Variants in MTMR4 observed in about 807,000 individuals in gnomAD.
MTMR4 encodes phosphatidylinositol-3,5-bisphosphate 3-phosphatase MTMR4.
A neutral mutation model predicts 125.5 loss-of-function variants in MTMR4; 30 were observed. The ratio of observed to expected loss-of-function variants is 0.24; its 90% confidence interval spans 0.18 to 0.32. The LOEUF (loss-of-function observed/expected upper bound fraction) is 0.32. Among genes scored for constraint, MTMR4 ranks in the 10% least tolerant of loss-of-function variants. The probability of loss-of-function intolerance (pLI) is 1.00; values close to 1 mark genes in which losing one functional copy is unlikely to be tolerated. For synonymous variants in MTMR4, 498 were observed against 564.5 expected, an observed-to-expected ratio of 0.88 and a Z score of 1.67; for missense variants, 1,039 against 1,511.5, an observed-to-expected ratio of 0.69 and a Z score of 5.18.
chr17:58,494,874 A>C (rs1975411390), intron 15 of MTMR4, 58 bp downstream of exon 15: 1 of 1,507,790 alleles, frequency 6.6e-7, no homozygotes. Flanking sequence ...TGCTGAATGG[A>C]GGGAAGGCTG....
At chr17:58,514,754 C>T (rs1337853622), upstream of MTMR4, 15 of 802,112 alleles carry the variant, frequency 1.9e-5, no homozygotes, top group Non-Finnish European at 2.0e-5. Flanking sequence ...CCCTGGGCCT[C>T]GTAGGAGGGC....
At chr17:58,503,212 A>T (rs1315587861) in intron 14 of MTMR4, among the ~76,000 whole-genome samples, 1 of 152,230 alleles carries the variant, frequency 6.6e-6, no homozygotes, top group Non-Finnish European at 1.5e-5. Flanking sequence ...TATATCATAC[A>T]GAGTGATAGC....
chr17:58,508,865 C>G lies in MTMR4; in HGVS notation c.336-24G>C, dbSNP rs763669159. ...ACCTGCCAGGCAAGAAGCCACAGGC[C>G]TAGGTGAGGCAAAGTGCAGTTGTGC... is the stretch of plus-strand genomic sequence containing the variant. On this transcript the variant is annotated intron_variant, in intron 4 of 17. Coordinates refer to ENST00000682306, the MANE Select transcript of MTMR4 (RefSeq NM_001378067.1). The surrounding 1 kb of genome is among the most constrained non-coding windows in gnomAD (Gnocchi z 4.8). 5 of 1,604,518 alleles carry G rather than the reference C, an allele frequency of 3.1e-6. No homozygotes were observed. The highest frequency in any genetic ancestry group is 2.2e-5 in the East Asian group (1 of 44,508).
Position 58,504,220 on chromosome 17 carries a change from C to T in MTMR4, c.1528G>A (p.Val510Ile). Residue 510 changes from valine (V) to isoleucine (I), a missense_variant and splice_region_variant, in exon 13 of 18, where the codon GTA becomes ATA. Physicochemically the swap from Val to Ile is conservative, Grantham distance 29. Around this residue, in one of 6 missense-constraint regions of MTMR4, gnomAD observed 107 missense variants for 267.4 expected, o/e 0.40. Transcript: ENST00000682306. The surrounding 1 kb of genome is among the most constrained non-coding windows in gnomAD (Gnocchi z 7.1). ...GAGTATGTGTGTTGCACCAGTTTTA[C>T]CTAGAAAGCAGAGAGAGCTTGCACC... is the stretch of plus-strand genomic sequence containing the variant. ...CLFEFNEAFLVKLVQHTYSCL... is the reference protein window; with the variant it reads ...CLFEFNEAFLIKLVQHTYSCL... The T allele has an allele frequency of 6.2e-7, 1 of 1,604,412 alleles. No individual in the cohort carries two copies. Among genetic ancestry groups the T allele is most frequent in the Non-Finnish European group, 8.5e-7 (1 of 1,173,826 alleles).
At position 58,505,049 on chromosome 17, in the gene MTMR4, G is replaced by C; in HGVS notation, c.1146-75C>G. Reference sequence around the variant, plus strand: ...GCAGTCTCTCCACCATCCACAGCCAGCCCCACCCAACAAAGTCCCCATTGA... The same window carrying C: ...GCAGTCTCTCCACCATCCACAGCCACCCCCACCCAACAAAGTCCCCATTGA... On this transcript the variant is annotated intron_variant, in intron 10 of 17. Transcript: ENST00000682306. The C allele has an allele frequency of 4.3e-6, 6 of 1,407,630 alleles. No homozygotes were observed. In the Admixed American group the frequency reaches 1.4e-4, roughly 34 times the overall value. 87.2% of individuals were successfully genotyped at this position (1,407,630 alleles called of 1,614,324 possible).
Position 58,514,591 on chromosome 17 carries a change from T to A in MTMR4, c.-184A>T. 1 of 984,950 alleles carries A rather than the reference T, an allele frequency of 1.0e-6. No homozygotes were observed. Among genetic ancestry groups the A allele is most frequent in the Non-Finnish European group, 1.2e-6 (1 of 829,792 alleles). The allele number at this position is 984,950 out of a possible 1,614,324, so 61.0% of individuals were successfully genotyped here. On this transcript the variant is annotated 5_prime_UTR_variant, in exon 1 of 18. Coordinates refer to ENST00000682306, the MANE Select transcript of MTMR4 (RefSeq NM_001378067.1). The stretch of plus-strand genomic sequence containing the variant: ...CGCGCCTCTCCCCTCCTCTCCACAA[T>A]GGAGCGGGCCCAGCTCCGCCCTCCC...
At chr17:58,499,969 T>G (rs1975577164) in intron 14 of MTMR4, among the ~76,000 whole-genome samples, 1 of 152,048 alleles carries the variant, frequency 6.6e-6, no homozygotes, top group South Asian at 2.1e-4. Flanking sequence ...TTAGTAAATT[T>G]ATTTAAATTT....
At chr17:58,510,149 A>G (rs1321917525) in intron 4 of MTMR4, among the ~76,000 whole-genome samples, 1 of 152,194 alleles carries the variant, frequency 6.6e-6, no homozygotes. Context: ...TCTATGAAAC[A>G]TTAATCAGAT....
intron 9 of MTMR4, 59 bp from the exon 10 acceptor site, chr17:58,505,642 T>C (rs1275105467): frequency 6.5e-6 from 8 of 1,229,608 alleles, no homozygotes; most frequent in Non-Finnish European, 9.4e-6. Flanking sequence ...GCGCGGTGGC[T>C]CACACCTGTA....
At chr17:58,494,320 C>CA (rs59888430) in intron 15 of MTMR4, among the ~76,000 whole-genome samples, 43,708 of 88,638 alleles carry the variant, frequency 0.49, 9,808 homozygotes, top group East Asian at 0.77. Context: ...GACTCCGTCT[C>CA]AAAAAAAAAA....
chr17:58,514,624 T>C lies in MTMR4; in HGVS notation c.-217A>G. Reference sequence around the variant, plus strand: ...GCCCAGCTCCGCCCTCCCGCACGAGTGCAGAAGGGAGGGGAGCCAGGCGAG... The same window carrying C: ...GCCCAGCTCCGCCCTCCCGCACGAGCGCAGAAGGGAGGGGAGCCAGGCGAG... On this transcript the variant is annotated 5_prime_UTR_variant, in exon 1 of 18. Coordinates refer to ENST00000682306, the MANE Select transcript of MTMR4 (RefSeq NM_001378067.1). The C allele has an allele frequency of 1.0e-6, 1 of 984,358 alleles. No individual in the cohort carries two copies. The highest frequency in any genetic ancestry group is 1.2e-6 in the Non-Finnish European group (1 of 829,566). 61.0% of individuals were successfully genotyped at this position (984,358 alleles called of 1,614,324 possible). A position where few individuals can be genotyped will look rare whatever the true frequency, so the allele number is the denominator to read the frequency against.
In MTMR4 at chr17:58,496,129, T is replaced by C. The variant is rs1248372521; in HGVS notation, c.2055A>G (p.Gly685=). 1 of 1,614,186 alleles carries C rather than the reference T, an allele frequency of 6.2e-7. No individual in the cohort carries two copies. The highest frequency in any genetic ancestry group is 8.5e-7 in the Non-Finnish European group (1 of 1,180,008). Residue 685 remains glycine, a synonymous_variant, in exon 15 of 18, where the codon GGA becomes GGG. Coordinates refer to ENST00000682306, the MANE Select transcript of MTMR4 (RefSeq NM_001378067.1). ...GCAGAGGAGGAGGAAGACCCACTTC[T>C]CCTACAGTTTGCTGAGGCCCTCCTA... is the stretch of plus-strand genomic sequence containing the variant. The part of the protein sequence containing the change: ...SGVGGPQQTV[G]EVGLPPPLPS...
At chr17:58,507,055 TC>T in intron 8 of MTMR4, 67 bp downstream of exon 8, 1 of 1,590,326 alleles carries the variant, frequency 6.3e-7, no homozygotes, top group Non-Finnish European at 8.6e-7. Flanking sequence ...CACTGGGGAC[TC>T]CCTGGGAGCC....
At chr17:58,499,319 A>T (rs1975557345) in intron 14 of MTMR4, among the ~76,000 whole-genome samples, 1 of 151,056 alleles carries the variant, frequency 6.6e-6, no homozygotes, top group Non-Finnish European at 1.5e-5. Context: ...GGCCAAGGTG[A>T]GCGGATCACT....
Position 58,508,977 on chromosome 17 carries a change from C to G in MTMR4, c.336-136G>C, listed in dbSNP as rs989291412. 1 of 943,208 alleles carries G rather than the reference C, an allele frequency of 1.1e-6. No individual in the cohort carries two copies. Among genetic ancestry groups the G allele is most frequent in the South Asian group, 1.7e-5 (1 of 57,770 alleles). The allele number at this position is 943,208 out of a possible 1,614,324, so 58.4% of individuals were successfully genotyped here. A position where few individuals can be genotyped will look rare whatever the true frequency, so the allele number is the denominator to read the frequency against. ...AGCAAGAGGTAAAGCAGTGGGGACC[C>G]AGGGTGGGGGGACGAGGGACACTGG... On this transcript the variant is annotated intron_variant, in intron 4 of 17. Coordinates refer to ENST00000682306, the MANE Select transcript of MTMR4 (RefSeq NM_001378067.1). The surrounding 1 kb of genome is among the most constrained non-coding windows in gnomAD (Gnocchi z 4.8).
intron 7 of MTMR4, among the ~76,000 whole-genome samples, chr17:58,507,753 G>C (rs1473994853): frequency 6.6e-6 from 1 of 152,166 alleles, no homozygotes; most frequent in African/African-American, 2.4e-5. Context: ...ACCAGTTTCT[G>C]TCATGTATTC....
At chr17:58,516,342 T>C (rs770536699), upstream of MTMR4, among the ~76,000 whole-genome samples, 8 of 152,094 alleles carry the variant, frequency 5.3e-5, no homozygotes, top group Non-Finnish European at 1.0e-4. Context: ...AGGAGGAAAG[T>C]GTGGGGCCTA....
In MTMR4 at chr17:58,492,936, G is replaced by T; in HGVS notation, c.3269C>A (p.Ser1090Ter). Reference sequence around the variant, plus strand: ...AAAATCCTCAGTATCACTGCCATCTGACTCCTTCAAACATGTCTGATGAAA... The same window carrying T: ...AAAATCCTCAGTATCACTGCCATCTTACTCCTTCAAACATGTCTGATGAAA... Reference protein sequence around the residue: ...YEDDFTCLKESDGSDTEDFGS... With the variant: ...YEDDFTCLKE The change falls in exon 16 of 18, where the codon TCA (serine) becomes TAA (stop). Residue 1090 changes from serine to a stop codon, truncating the protein, a stop_gained. Transcript: ENST00000682306. LOFTEE classifies it high-confidence loss of function. 1 of 1,614,134 alleles carries T rather than the reference G, an allele frequency of 6.2e-7. No homozygotes were observed. Among genetic ancestry groups the T allele is most frequent in the South Asian group, 1.1e-5 (1 of 91,062 alleles).
upstream of MTMR4, chr17:58,516,655 C>G (rs1037118523): frequency 6.4e-7 from 1 of 1,568,600 alleles, no homozygotes; most frequent in Middle Eastern, 1.7e-4. Flanking sequence ...GTAAAGGACC[C>G]CATTAACATT....
Sources: allele counts gnomAD v4.1 joint callset (sites outside exome capture counted in the v4.1 genomes callset), GRCh38; gene constraint gnomAD v4.1.1; regional missense constraint gnomAD v4.1.1; non-coding constraint Gnocchi (gnomAD v3.1); transcripts MANE v1.5; gene names NCBI Gene and HGNC (gene_info 2026-07-23, HGNC 2026-07-21).